LRIT3: variants seen among roughly 807,000 people sequenced by gnomAD.
LRIT3 encodes leucine rich repeat, Ig-like and transmembrane domains 3, also known as leucine-rich repeat, immunoglobulin-like domain and transmembrane domain-containing protein 3.
LRIT3 carries 14 observed loss-of-function variants against 22.6 expected under a neutral mutation model. The ratio of observed to expected loss-of-function variants is 0.62; its 90% CI spans 0.41 to 0.97. LRIT3 has a LOEUF of 0.97. Among genes scored for constraint, LRIT3 ranks in the 50% least tolerant of loss-of-function variants. The probability of loss-of-function intolerance (pLI) is 0.00; values close to 1 mark genes in which losing one functional copy is unlikely to be tolerated. For synonymous variants in LRIT3, 306 were observed against 304.5 expected, an observed-to-expected ratio of 1.01 and a Z score of -0.05; for missense variants, 783 against 803.0, an observed-to-expected ratio of 0.98 and a Z score of 0.30.
At position 109,870,115 on chromosome 4, in the gene LRIT3, A is replaced by G; in HGVS notation, c.1366A>G (p.Lys456Glu). The stretch of plus-strand genomic sequence containing the variant: ...TGGGAAAAGAAATTTAAAGGTGGCA[A>G]AGAATGGAAGTAAGCTTCCTCCAGC... ...QGGKRNLKVAKNGSKLPPAST... is the reference protein window; with the variant it reads ...QGGKRNLKVAENGSKLPPAST... Residue 456 changes from lysine to glutamate, a missense_variant, in exon 4 of 4, where the codon AAG becomes GAG. This residue lies in a region of LRIT3 where 756 missense variants were observed against 753.8 expected (regional missense o/e 1.00). Transcript: ENST00000594814. The G allele has an allele frequency of 6.2e-7, 1 of 1,614,200 alleles. No individual in the cohort carries two copies.
chr4:109,869,319 GC>G lies in LRIT3; in HGVS notation c.896-324del, dbSNP rs1424760408. 3.3e-5 allele frequency among the ~76,000 whole-genome samples: 5 copies of G among 152,154 alleles called. No individual in the cohort carries two copies. In the East Asian group the frequency reaches 9.6e-4, roughly 29 times the overall value. The stretch of plus-strand genomic sequence containing the variant: ...TTATTTTATAAATGCAGAAACAGAA[GC>G]CTAAAGATATGAATTGACTTATCTA... On this transcript the variant is annotated intron_variant, in intron 3 of 3. Transcript: ENST00000594814.
intron 3 of LRIT3, 34 bp from the exon 4 acceptor site, chr4:109,869,611 G>A (rs780648233): frequency 7.9e-6 from 12 of 1,511,894 alleles, no homozygotes; most frequent in Admixed American, 6.8e-5. Flanking sequence ...TTTTCTTTTT[G>A]TTCCTCACAG....
chr4:109,857,562 A>G (rs2078038), intron 2 of LRIT3, among the ~76,000 whole-genome samples: 126,973 of 152,194 alleles, frequency 0.83, 53,267 homozygotes, highest in African/African-American at 0.93. Flanking sequence ...GGGGAACAAC[A>G]AGCCTTGGCT....
Position 109,870,847 on chromosome 4 carries a change from C to G in LRIT3, c.*58C>G. 6.7e-7 allele frequency: 1 copy of G among 1,494,766 alleles called. No homozygotes were observed. Among genetic ancestry groups the G allele is most frequent in the Non-Finnish European group, 8.9e-7 (1 of 1,119,074 alleles). The allele number at this position is 1,494,766 out of a possible 1,614,324, so 92.6% of individuals were successfully genotyped here. Reference sequence around the variant, plus strand: ...AACTAGCATCTAAGGGTATAATTGACCCTAGGTTTGGATGACTTTTGGACA... The same window carrying G: ...AACTAGCATCTAAGGGTATAATTGAGCCTAGGTTTGGATGACTTTTGGACA... On this transcript the variant is annotated 3_prime_UTR_variant, in exon 4 of 4. Transcript: ENST00000594814.
In LRIT3 at chr4:109,869,693, TGACAGGCATTTCTTCCAAA is replaced by T; in HGVS notation, c.948_966del (p.Gly317LeufsTer21). On this transcript the variant is annotated frameshift_variant, in exon 4 of 4. Coordinates refer to ENST00000594814, the MANE Select transcript of LRIT3 (RefSeq NM_198506.5). LOFTEE classifies it low-confidence loss of function (END_TRUNC). ...GGAGTCAGATGGTCCATAATGAGCTTGACAGGCATTTCTTCCAAAGACGCTGGGGATTACAAATGTAAGG... is the reference window on the plus strand; with the variant it reads ...GGAGTCAGATGGTCCATAATGAGCTTGACGCTGGGGATTACAAATGTAAGG... 1.3e-6 allele frequency: 2 copies of T among 1,595,388 alleles called. No individual in the cohort carries two copies. Among genetic ancestry groups the T allele is most frequent in the Non-Finnish European group, 1.7e-6 (2 of 1,170,566 alleles).
chr4:109,848,181 A>C lies in LRIT3; in HGVS notation c.-21A>C. The C allele has an allele frequency of 8.3e-7, 1 of 1,203,596 alleles. No homozygotes were observed. 74.6% of individuals were successfully genotyped at this position (1,203,596 alleles called of 1,614,324 possible). ...AGGATTCGGTTTTTACCTTTTGTTTAAATAACCTCTAAAAGGAGCAATGCA... is the reference window on the plus strand; with the variant it reads ...AGGATTCGGTTTTTACCTTTTGTTTCAATAACCTCTAAAAGGAGCAATGCA... On this transcript the variant is annotated 5_prime_UTR_variant, in exon 1 of 4. The change abolishes the stop of an existing upstream ORF in the 5' untranslated region. Transcript: ENST00000594814.
intron 2 of LRIT3, among the ~76,000 whole-genome samples, chr4:109,865,876 C>A (rs1734665983): frequency 6.6e-6 from 1 of 152,040 alleles, no homozygotes; most frequent in Non-Finnish European, 1.5e-5. Context: ...CACACTTAAT[C>A]ATAGCAATAT....
Position 109,851,790 on chromosome 4 carries a change from G to A in LRIT3, c.403G>A (p.Asp135Asn). 1 of 1,551,760 alleles carries A rather than the reference G, an allele frequency of 6.4e-7. No individual in the cohort carries two copies. ...LLDMPLLRTL[D>N]LHNNKITSVP... ...GGACATGCCCCTTCTGAGGACCCTG[G>A]ACTTGCACAATAACAAAATAACCAG... Residue 135 changes from aspartate to asparagine, a missense_variant, in exon 2 of 4, where the codon GAC (aspartate) becomes AAC (asparagine). Around this residue, in one of 2 missense-constraint regions of LRIT3, gnomAD observed 756 missense variants for 753.8 expected, o/e 1.00. Transcript: ENST00000594814.
intron 1 of LRIT3, among the ~76,000 whole-genome samples, chr4:109,850,459 C>CTTTCTTTT (rs1734215912): frequency 8.3e-6 from 1 of 121,124 alleles, no homozygotes; most frequent in Admixed American, 9.9e-5. Flanking sequence ...TTCTTTCTTT[C>CTTTCTTTT]TTTCTTTCTT....
At chr4:109,856,625 T>G (rs113453244) in intron 2 of LRIT3, among the ~76,000 whole-genome samples, 1,929 of 152,280 alleles carry the variant, frequency 0.013, 44 homozygotes, top group African/African-American at 0.044. Flanking sequence ...GATTCCCAAT[T>G]GTGAACAGAC....
chr4:109,852,069 T>C (rs1734288197), intron 2 of LRIT3, 93 bp downstream of exon 2: 2 of 1,191,368 alleles, frequency 1.7e-6, no homozygotes, highest in African/African-American at 3.1e-5. Flanking sequence ...TGGATTTGGC[T>C]TTTTACTCTG....
At chr4:109,862,074 A>C (rs2125899719) in intron 2 of LRIT3, among the ~76,000 whole-genome samples, 1 of 152,272 alleles carries the variant, frequency 6.6e-6, no homozygotes, top group East Asian at 1.9e-4. Flanking sequence ...TCCCTACTGA[A>C]TTGTTAAACA....
At chr4:109,850,431 CTTTCTTTCTTTCTTTCTT>C (rs1734210569) in intron 1 of LRIT3, among the ~76,000 whole-genome samples, 1 of 82,724 alleles carries the variant, frequency 1.2e-5, no homozygotes, top group South Asian at 4.5e-4. Context: ...TCCTTTCTTT[CTTTCTTTCTTTCTTTCTT>C]TCTTTCTTTC....
chr4:109,869,708 C>T lies in LRIT3; in HGVS notation c.959C>T (p.Ser320Phe). The T allele has an allele frequency of 1.9e-6, 3 of 1,603,070 alleles. No homozygotes were observed. The highest frequency in any genetic ancestry group is 8.5e-7 in the Non-Finnish European group (1 of 1,174,282). ...ATAATGAGCTTGACAGGCATTTCTT[C>T]CAAAGACGCTGGGGATTACAAATGT... ...WSIMSLTGIS[S>F]KDAGDYKCKA... Residue 320 changes from serine (S) to phenylalanine (F), a missense_variant, in exon 4 of 4, where the codon TCC (serine) becomes TTC (phenylalanine). Physicochemically the swap from Ser to Phe is radical, Grantham distance 155 (BLOSUM62 -2). Around this residue, in one of 2 missense-constraint regions of LRIT3, gnomAD observed 756 missense variants for 753.8 expected, o/e 1.00. Coordinates refer to ENST00000594814, the MANE Select transcript of LRIT3 (RefSeq NM_198506.5).
At chr4:109,849,969 T>C (rs2125896350) in intron 1 of LRIT3, among the ~76,000 whole-genome samples, 1 of 152,314 alleles carries the variant, frequency 6.6e-6, no homozygotes, top group Non-Finnish European at 1.5e-5. Flanking sequence ...AGTACTGAAA[T>C]CTGTGATATA....
At chr4:109,849,825 C>A (rs1212357930) in intron 1 of LRIT3, among the ~76,000 whole-genome samples, 2 of 152,092 alleles carry the variant, frequency 1.3e-5, no homozygotes, top group African/African-American at 4.8e-5. Context: ...GTTGGCCAGG[C>A]TGGTCTCAAA....
rs77613966 is a variant in LRIT3, at chr4:109,848,188, C to G, written c.-14C>G. ...GGTTTTTACCTTTTGTTTAAATAAC[C>G]TCTAAAAGGAGCAATGCATCTCTTT... On this transcript the variant is annotated 5_prime_UTR_variant, in exon 1 of 4. Coordinates refer to ENST00000594814, the MANE Select transcript of LRIT3 (RefSeq NM_198506.5). The G allele has an allele frequency of 8.0e-3, 9,719 of 1,215,956 alleles. 487 individuals carry two copies. The East Asian group carries it at 0.14, about 17-fold the overall frequency. 75.3% of individuals were successfully genotyped at this position (1,215,956 alleles called of 1,614,324 possible). A position where few individuals can be genotyped will look rare whatever the true frequency, so the allele number is the denominator to read the frequency against.
At chr4:109,867,097 G>A (rs1475448652) in intron 2 of LRIT3, among the ~76,000 whole-genome samples, 3 of 152,144 alleles carry the variant, frequency 2.0e-5, no homozygotes, top group Non-Finnish European at 4.4e-5. Context: ...TCCAGGTTGA[G>A]TTAGGTGTCT....
chr4:109,860,873 T>C (rs1236725760), intron 2 of LRIT3, among the ~76,000 whole-genome samples: 1 of 152,258 alleles, frequency 6.6e-6, no homozygotes, highest in East Asian at 1.9e-4. Flanking sequence ...GTATTGGTAG[T>C]TCATTATTGC....
Sources: gnomAD v4.1 joint callset for allele counts (sites outside exome capture counted in the v4.1 genomes callset) on GRCh38, gnomAD v4.1.1 for gene constraint, gnomAD v4.1.1 regional missense constraint, MANE v1.5 for transcripts, NCBI Gene and HGNC (gene_info 2026-07-23, HGNC 2026-07-21) for gene names.